The following ASTN1 variants were observed in gnomAD, a reference collection of about 807,000 sequenced individuals.
ASTN1 encodes the protein astrotactin-1.
A neutral mutation model predicts 140.7 loss-of-function variants in ASTN1; 41 were observed. The observed-to-expected ratio is 0.29, with a 90% CI of 0.23 to 0.38. The LOEUF is 0.38. ASTN1 is among the 10% of genes least tolerant of loss of function. ASTN1 has a pLI of 1.00. For synonymous variants in ASTN1, 640 were observed against 652.2 expected (o/e 0.98, Z 0.29); for missense variants, 1,479 against 1,678.8 (o/e 0.88, Z 2.08).
In ASTN1 at chr1:176,932,125, C is replaced by T. The variant is rs61813273; in HGVS notation, c.2671+2027G>A. ...AACTTCCTTTCCTATTCAATCCATA[C>T]GTAATTTTAGGTATCTAGTCATAGG... is the stretch of plus-strand genomic sequence containing the variant. On this transcript the variant is annotated intron_variant, in intron 16 of 22. Coordinates refer to ENST00000361833, the MANE Select transcript of ASTN1 (RefSeq NM_004319.3). Among the ~76,000 whole-genome samples, 905 of 150,074 alleles carry T rather than the reference C, an allele frequency of 6.0e-3. 5 individuals carry two copies. Among genetic ancestry groups the T allele is most frequent in the Non-Finnish European group, 8.9e-3 (607 of 68,022 alleles).
chr1:176,980,765 C>A (rs559004854), intron 8 of ASTN1, among the ~76,000 whole-genome samples: 58 of 152,194 alleles, frequency 3.8e-4, no homozygotes, highest in African/African-American at 1.4e-3. Context: ...AGGAACATGA[C>A]AGCCTTGGTA....
chr1:176,888,220 G>C lies in ASTN1; in HGVS notation c.2941-16C>G, dbSNP rs750343133. The C allele has an allele frequency of 5.0e-6, 8 of 1,613,350 alleles. No homozygotes were observed. Among genetic ancestry groups the C allele is most frequent in the Non-Finnish European group, 6.8e-6 (8 of 1,179,802 alleles). ...CCTGCAAGAGCTGCATAAGAGAACA[G>C]GGAAAAGATTGAGTGTTGAGAAGCC... is the stretch of plus-strand genomic sequence containing the variant. On this transcript the variant is annotated splice_polypyrimidine_tract_variant and intron_variant, in intron 17 of 22. Coordinates refer to ENST00000361833, the MANE Select transcript of ASTN1 (RefSeq NM_004319.3).
At chr1:176,877,536 C>A (rs1004138174) in intron 20 of ASTN1, among the ~76,000 whole-genome samples, 1 of 152,144 alleles carries the variant, frequency 6.6e-6, no homozygotes, top group Non-Finnish European at 1.5e-5. Flanking sequence ...AAAATGAAAA[C>A]CTGGCTATTA....
chr1:176,980,787 TAAA>T (rs1673576296), intron 8 of ASTN1, among the ~76,000 whole-genome samples: 1 of 152,058 alleles, frequency 6.6e-6, no homozygotes, highest in Non-Finnish European at 1.5e-5. Context: ...CTACCTAAAA[TAAA>T]GAAGAATTTG....
chr1:176,980,290 C>T (rs1457975255), intron 8 of ASTN1, among the ~76,000 whole-genome samples: 3 of 152,080 alleles, frequency 2.0e-5, no homozygotes, highest in Non-Finnish European at 2.9e-5. Flanking sequence ...GCCAGGTTCC[C>T]ATTTCACTAA....
At chr1:176,926,830 T>C (rs1016549575) in intron 16 of ASTN1, among the ~76,000 whole-genome samples, 1 of 152,224 alleles carries the variant, frequency 6.6e-6, no homozygotes, top group African/African-American at 2.4e-5. Flanking sequence ...TATGTTACAA[T>C]GAAGCAAGTT....
chr1:177,080,154 A>G (rs970635676), intron 1 of ASTN1, among the ~76,000 whole-genome samples: 2 of 151,038 alleles, frequency 1.3e-5, no homozygotes, highest in South Asian at 2.1e-4. Context: ...AAAAAAATCA[A>G]TTGGGAACGT....
intron 1 of ASTN1, among the ~76,000 whole-genome samples, chr1:177,097,934 T>A (rs1444617873): frequency 6.6e-6 from 1 of 152,126 alleles, no homozygotes; most frequent in Non-Finnish European, 1.5e-5. Context: ...TCTAGTGAGG[T>A]CATGGAAGCA....
At chr1:177,160,402 C>A (rs984887859) in intron 1 of ASTN1, among the ~76,000 whole-genome samples, 23 of 152,216 alleles carry the variant, frequency 1.5e-4, no homozygotes, top group Non-Finnish European at 3.4e-4. Flanking sequence ...TACATCTCTG[C>A]AGGCTGATTG....
intron 2 of ASTN1, among the ~76,000 whole-genome samples, chr1:177,059,871 CA>C (rs1430040138): frequency 1.3e-5 from 2 of 151,984 alleles, no homozygotes; most frequent in Non-Finnish European, 2.9e-5. Context: ...AGTTTCCTAA[CA>C]GTGAAATAAT....
At chr1:177,034,353 G>A (rs1286829513) in intron 2 of ASTN1, among the ~76,000 whole-genome samples, 1 of 151,860 alleles carries the variant, frequency 6.6e-6, no homozygotes, top group Non-Finnish European at 1.5e-5. Context: ...CCAAGTGACA[G>A]CCTATATCAT....
At chr1:177,126,298 A>T (rs948023340) in intron 1 of ASTN1, among the ~76,000 whole-genome samples, 11 of 152,280 alleles carry the variant, frequency 7.2e-5, no homozygotes, top group African/African-American at 2.4e-4. Context: ...CTGAGCCAGC[A>T]TGGCTTTGCT....
chr1:177,057,019 T>C (rs748471528), intron 2 of ASTN1, among the ~76,000 whole-genome samples: 26 of 152,230 alleles, frequency 1.7e-4, no homozygotes, highest in Admixed American at 2.0e-4. Context: ...GAATGTCAAC[T>C]ATCTTGCAAA....
At chr1:177,164,236 A>G (rs1475972546) in intron 1 of ASTN1, among the ~76,000 whole-genome samples, 158 bp downstream of exon 1, 5 of 151,528 alleles carry the variant, frequency 3.3e-5, no homozygotes, top group Non-Finnish European at 5.9e-5. Context: ...GCTAGTATGC[A>G]AGTGGGTGTG....
chr1:177,062,944 C>T (rs1271535123), intron 1 of ASTN1, among the ~76,000 whole-genome samples: 1 of 152,042 alleles, frequency 6.6e-6, no homozygotes, highest in Admixed American at 6.6e-5. Flanking sequence ...TGTGGGAACA[C>T]AGAAGAAGAA....
At position 176,862,612 on chromosome 1, in the gene ASTN1, C is replaced by CA; in HGVS notation, c.*1671_*1672insT. 4.1e-6 allele frequency: 4 copies of CA among 977,842 alleles called. No homozygotes were observed. The highest frequency in any genetic ancestry group is 3.6e-6 in the Non-Finnish European group (3 of 823,124). 60.6% of individuals were successfully genotyped at this position (977,842 alleles called of 1,614,324 possible). ...GATCCTGTGCCCTGGAGACCAACAG[C>CA]CTGAAATCACACTGAAACTCAGTGT... On this transcript the variant is annotated 3_prime_UTR_variant, in exon 23 of 23. Transcript: ENST00000361833.
chr1:177,023,870 T>TGGCCATGG (rs773047749), intron 6 of ASTN1, among the ~76,000 whole-genome samples: 106 of 152,290 alleles, frequency 7.0e-4, no homozygotes, highest in Non-Finnish European at 1.1e-3. Context: ...AGCCCTGTGA[T>TGGCCATGG]GGCCATGGCA....
intron 1 of ASTN1, among the ~76,000 whole-genome samples, chr1:177,137,848 T>C (rs1682270291): frequency 6.6e-6 from 1 of 152,230 alleles, no homozygotes; most frequent in African/African-American, 2.4e-5. Context: ...AATAAAATGC[T>C]AACTAAAATA....
chr1:176,994,339 T>C (rs1434511789), intron 8 of ASTN1, among the ~76,000 whole-genome samples: 2 of 152,084 alleles, frequency 1.3e-5, no homozygotes, highest in Admixed American at 1.3e-4. Context: ...AATTATCTTT[T>C]CCCCTCACTC....
Sources: allele counts gnomAD v4.1 joint callset (sites outside exome capture counted in the v4.1 genomes callset), GRCh38; gene constraint gnomAD v4.1.1; transcripts MANE v1.5; gene names NCBI Gene and HGNC (gene_info 2026-07-23, HGNC 2026-07-21).